Variants in ZNF292 observed in about 807,000 individuals in gnomAD.
ZNF292 encodes the protein zinc finger protein 292, also known as 16 zinc-finger domain protein.
ZNF292 carries 26 observed loss-of-function variants against 217.9 expected under a neutral mutation model. The ratio of observed to expected loss-of-function variants is 0.12; its 90% CI spans 0.09 to 0.17. ZNF292 has a LOEUF of 0.17. Ranked by LOEUF, ZNF292 falls within the 10% of genes least tolerant of loss-of-function variation. The probability of loss-of-function intolerance (pLI) is 1.00; values close to 1 mark genes in which losing one functional copy is unlikely to be tolerated. For synonymous variants in ZNF292, 1,257 were observed against 1,124.1 expected, an observed-to-expected ratio of 1.12 and a Z score of -2.37; for missense variants, 2,904 against 3,175.2, an observed-to-expected ratio of 0.91 and a Z score of 2.05.
intron 1 of ZNF292, chr6:87,174,007 A>G (rs778250397): frequency 8.5e-5 from 23 of 269,280 alleles, no homozygotes; most frequent in Non-Finnish European, 1.4e-4. Context: ...GTTAAGATTA[A>G]TGTGTCCTTG....
At chr6:87,173,026 TATA>T (rs1771157673) in intron 1 of ZNF292, among the ~76,000 whole-genome samples, 1 of 152,192 alleles carries the variant, frequency 6.6e-6, no homozygotes, top group African/African-American at 2.4e-5. Context: ...AATATTGTAT[TATA>T]ATTCTTTCTG....
intron 1 of ZNF292, among the ~76,000 whole-genome samples, chr6:87,176,371 T>C (rs941763155): frequency 2.6e-5 from 4 of 152,168 alleles, no homozygotes; most frequent in Non-Finnish European, 5.9e-5. Flanking sequence ...CAAGGCCTGT[T>C]TGTGCAGATT....
At chr6:87,190,276 T>C (rs928582756) in intron 1 of ZNF292, among the ~76,000 whole-genome samples, 2 of 152,310 alleles carry the variant, frequency 1.3e-5, no homozygotes, top group Admixed American at 1.3e-4. Context: ...TACTGCTAGC[T>C]TTCTTCATTC....
chr6:87,231,561 G>A (rs1773658534), intron 4 of ZNF292, among the ~76,000 whole-genome samples: 1 of 152,068 alleles, frequency 6.6e-6, no homozygotes, highest in Non-Finnish European at 1.5e-5. Flanking sequence ...GTGTGGCAGT[G>A]GTTTCCCATC....
Position 87,263,274 on chromosome 6 carries a change from T to C in ZNF292, c.*1473T>C, listed in dbSNP as rs1775695069. The stretch of plus-strand genomic sequence containing the variant: ...AACATCTTTGCAATATTTACTTTTG[T>C]TTCTGTTTGCCGTAAATAGTAACAT... On this transcript the variant is annotated 3_prime_UTR_variant, in exon 8 of 8. Coordinates refer to ENST00000369577, the MANE Select transcript of ZNF292 (RefSeq NM_015021.3). The C allele has an allele frequency of 6.6e-6, 1 of 152,106 alleles. No homozygotes were observed. Among genetic ancestry groups the C allele is most frequent in the Admixed American group, 6.6e-5 (1 of 15,260 alleles). The allele number at this position is 152,106 out of a possible 1,614,324, so 9.4% of individuals were successfully genotyped here. A position where few individuals can be genotyped will look rare whatever the true frequency, so the allele number is the denominator to read the frequency against.
chr6:87,260,512 T>C lies in ZNF292; in HGVS notation c.6883T>C (p.Leu2295=). Residue 2295 remains leucine (L), a synonymous_variant, in exon 8 of 8, where the codon TTA becomes CTA. Transcript: ENST00000369577. ...GGCTCATTTGATTCGTCCAAGAAGA[T>C]TAACACCAGGCCAGGAAAATATGTC... ...HKAHLIRPRR[L]TPGQENMSSK... The C allele has an allele frequency of 6.2e-7, 1 of 1,613,172 alleles. No homozygotes were observed. Among genetic ancestry groups the C allele is most frequent in the Non-Finnish European group, 8.5e-7 (1 of 1,179,612 alleles).
chr6:87,222,997 CAT>C, intron 4 of ZNF292: 2 of 284,198 alleles, frequency 7.0e-6, no homozygotes, highest in Non-Finnish European at 1.5e-5. Flanking sequence ...GGTAAAGTAC[CAT>C]TGCCATCACA....
At chr6:87,227,999 A>AT (rs1251656541) in intron 4 of ZNF292, among the ~76,000 whole-genome samples, 1 of 152,052 alleles carries the variant, frequency 6.6e-6, no homozygotes, top group Non-Finnish European at 1.5e-5. Context: ...TGTATTTTTA[A>AT]TTTTTTGAGG....
At chr6:87,229,924 A>G (rs1002349291) in intron 4 of ZNF292, among the ~76,000 whole-genome samples, 1 of 143,794 alleles carries the variant, frequency 7.0e-6, no homozygotes, top group African/African-American at 2.5e-5. Flanking sequence ...GGAGACGACT[A>G]GTAGATTGCT....
intron 7 of ZNF292, among the ~76,000 whole-genome samples, chr6:87,246,029 G>C (rs1474042079): frequency 2.6e-5 from 4 of 152,080 alleles, no homozygotes; most frequent in African/African-American, 9.7e-5. Flanking sequence ...TCAGGAGTTC[G>C]AGACCAACCT....
At chr6:87,165,981 C>T (rs557341917) in intron 1 of ZNF292, among the ~76,000 whole-genome samples, 1 of 152,156 alleles carries the variant, frequency 6.6e-6, no homozygotes, top group African/African-American at 2.4e-5. Flanking sequence ...TGGTCTCAAA[C>T]TCCTGACCTC....
chr6:87,184,891 C>G (rs1022293384), intron 1 of ZNF292, among the ~76,000 whole-genome samples: 1 of 152,222 alleles, frequency 6.6e-6, no homozygotes, highest in African/African-American at 2.4e-5. Context: ...GAAGAAAAGT[C>G]TTGTCCTAAC....
chr6:87,261,477 T>C lies in ZNF292; in HGVS notation c.7848T>C (p.Asn2616=), dbSNP rs199744800. ...AAAATACTGACAAAGACCATCCGAA[T>C]ACTGGAAACAAAAAAGGATCCCATT... ...QKKNTDKDHP[N]TGNKKGSHSN... is the part of the protein sequence containing the mutation. Residue 2616 remains asparagine (N), a synonymous_variant, in exon 8 of 8, where the codon AAT becomes AAC. Transcript: ENST00000369577. 1 of 1,604,412 alleles carries C rather than the reference T, an allele frequency of 6.2e-7. No homozygotes were observed. The highest frequency in any genetic ancestry group is 1.1e-5 in the South Asian group (1 of 89,858).
chr6:87,198,914 T>C (rs1772033746), intron 1 of ZNF292, among the ~76,000 whole-genome samples: 1 of 152,236 alleles, frequency 6.6e-6, no homozygotes, highest in Non-Finnish European at 1.5e-5. Context: ...ATTCAAACCA[T>C]TGATGGACAT....
At chr6:87,168,909 G>C (rs1771001417) in intron 1 of ZNF292, among the ~76,000 whole-genome samples, 1 of 152,108 alleles carries the variant, frequency 6.6e-6, no homozygotes, top group Admixed American at 6.5e-5. Context: ...AAATGAAATG[G>C]CATAGTATTT....
At chr6:87,208,604 T>C (rs1445984233) in intron 1 of ZNF292, among the ~76,000 whole-genome samples, 1 of 152,184 alleles carries the variant, frequency 6.6e-6, no homozygotes, top group Admixed American at 6.5e-5. Flanking sequence ...TTGCTTTTTT[T>C]TTCCCCCTTG....
intron 1 of ZNF292, among the ~76,000 whole-genome samples, chr6:87,178,624 G>A (rs1771375634): frequency 6.6e-6 from 1 of 152,152 alleles, no homozygotes. Context: ...TATTTATTTA[G>A]TCCTCAGCAC....
intron 1 of ZNF292, among the ~76,000 whole-genome samples, chr6:87,168,261 A>G (rs1449737865): frequency 1.3e-5 from 2 of 152,198 alleles, no homozygotes; most frequent in Admixed American, 1.3e-4. Context: ...CATTACTACT[A>G]TGTAATACTT....
In ZNF292 at chr6:87,239,751, A is replaced by G. The variant is rs1179668794; in HGVS notation, c.742-3724A>G. 3.7e-4 allele frequency among the ~76,000 whole-genome samples: 52 copies of G among 138,890 alleles called. 8 individuals are homozygous for G. The highest frequency in any genetic ancestry group is 1.3e-3 in the African/African-American group (46 of 34,714). 91.1% of individuals were successfully genotyped at this position (138,890 alleles called of 152,430 possible). A position where few individuals can be genotyped will look rare whatever the true frequency, so the allele number is the denominator to read the frequency against. ...GGCAGAGGCGCTCCTCACATCCCAG[A>G]TGGGGCGGTGGGGCAGAGGCGCTCC... On this transcript the variant is annotated intron_variant, in intron 5 of 7. Transcript: ENST00000369577.
Sources: gnomAD v4.1 joint callset for allele counts (sites outside exome capture counted in the v4.1 genomes callset) on GRCh38, gnomAD v4.1.1 for gene constraint, MANE v1.5 for transcripts, NCBI Gene and HGNC (gene_info 2026-07-23, HGNC 2026-07-21) for gene names.